Variants in L3MBTL4 observed in about 807,000 individuals in gnomAD.
The protein encoded by L3MBTL4 is L3MBTL histone methyl-lysine binding protein 4.
In L3MBTL4, 70 loss-of-function variants were observed where a neutral mutation model predicts 84.5. The ratio of observed to expected loss-of-function variants is 0.83; its 90% confidence interval spans 0.68 to 1.01. The LOEUF (loss-of-function observed/expected upper bound fraction) is 1.01, where lower values mean the gene tolerates loss of function less well. Among genes scored for constraint, L3MBTL4 ranks in the 50% least tolerant of loss-of-function variants. The probability of loss-of-function intolerance (pLI) is 0.00; values close to 1 mark genes in which losing one functional copy is unlikely to be tolerated. For missense variants in L3MBTL4, 715 were observed against 754.8 expected, an observed-to-expected ratio of 0.95 and a Z score of 0.62; for synonymous variants, 274 against 259.8, an observed-to-expected ratio of 1.05 and a Z score of -0.52.
At chr18:6,408,506 T>C (rs978028838) in intron 1 of L3MBTL4, among the ~76,000 whole-genome samples, 3 of 152,154 alleles carry the variant, frequency 2.0e-5, no homozygotes, top group Non-Finnish European at 4.4e-5. Flanking sequence ...AAACTGCAGA[T>C]TTCCAACTTC....
At chr18:6,049,652 G>A (rs1205614361) in intron 16 of L3MBTL4, among the ~76,000 whole-genome samples, 2 of 152,132 alleles carry the variant, frequency 1.3e-5, no homozygotes, top group East Asian at 3.9e-4. Context: ...GGTTATAAGT[G>A]GGAGTTAAAT....
chr18:6,406,008 C>T (rs1406062084), intron 1 of L3MBTL4, among the ~76,000 whole-genome samples: 1 of 151,034 alleles, frequency 6.6e-6, no homozygotes, highest in African/African-American at 2.4e-5. Context: ...TGTACTCTTA[C>T]TTAGCAGCTG....
rs1040647883 is a variant in L3MBTL4 at position 6,279,015 on chromosome 18, T to C, written c.128-14977A>G. Among the ~76,000 whole-genome samples the C allele has an allele frequency of 8.6e-5, 13 of 151,662 alleles. No homozygotes were observed. The East Asian group carries it at 2.1e-3, about 25-fold the overall frequency. On this transcript the variant is annotated intron_variant, in intron 4 of 18. Coordinates refer to ENST00000317931, the MANE Select transcript of L3MBTL4 (RefSeq NM_001330559.2). ...AGTGACCAGGAACGTAGAGAAAAAA[T>C]TGGGGGCAGGGGCGGTGATTTGATA... is the stretch of plus-strand genomic sequence containing the variant.
At chr18:6,327,405 T>G (rs941767319) in intron 1 of L3MBTL4, among the ~76,000 whole-genome samples, 1 of 152,124 alleles carries the variant, frequency 6.6e-6, no homozygotes, top group East Asian at 1.9e-4. Context: ...TGTGATATAT[T>G]CAAAAATGGA....
Position 6,080,907 on chromosome 18 carries a change from T to C in L3MBTL4, c.1418A>G (p.Asp473Gly). ...AKCLKIKGKEDIDLDNLFREY... is the reference protein window; with the variant it reads ...AKCLKIKGKEGIDLDNLFREY... ...TCTGAAGAGATTATCCAAGTCAATA[T>C]CTTCTTTTCCTTTGATTTTCAAACA... Residue 473 changes from aspartate (D) to glycine (G), a missense_variant, in exon 16 of 19, where the codon GAT (aspartate) becomes GGT (glycine). Asp to Gly is a moderately conservative substitution (Grantham distance 94). Coordinates refer to ENST00000317931, the MANE Select transcript of L3MBTL4 (RefSeq NM_001330559.2). 6.2e-7 allele frequency: 1 copy of C among 1,608,708 alleles called. No homozygotes were observed. The highest frequency in any genetic ancestry group is 8.5e-7 in the Non-Finnish European group (1 of 1,177,680).
chr18:6,078,485 G>A (rs1339762006), intron 16 of L3MBTL4, among the ~76,000 whole-genome samples: 2 of 149,862 alleles, frequency 1.3e-5, no homozygotes, highest in African/African-American at 4.9e-5. Context: ...ATGGGTACTG[G>A]ATATTATGAT....
At chr18:6,029,679 T>G (rs1326349550) in intron 16 of L3MBTL4, 47 of 985,228 alleles carry the variant, frequency 4.8e-5, no homozygotes, top group Non-Finnish European at 1.9e-5. Flanking sequence ...GGGAACAGCT[T>G]ACTATGGTCA....
At chr18:6,083,225 G>C (rs556428281) in intron 15 of L3MBTL4, among the ~76,000 whole-genome samples, 2 of 152,208 alleles carry the variant, frequency 1.3e-5, no homozygotes, top group Non-Finnish European at 2.9e-5. Flanking sequence ...CACAGGCAGA[G>C]ACTTGACTGT....
chr18:6,121,285 A>G (rs1309365254), intron 14 of L3MBTL4, among the ~76,000 whole-genome samples: 1 of 152,234 alleles, frequency 6.6e-6, no homozygotes, highest in African/African-American at 2.4e-5. Context: ...AGCCACTGCT[A>G]TCAAGAAGAA....
At chr18:6,031,713 A>AG (rs2055810477) in intron 16 of L3MBTL4, 1 of 985,450 alleles carries the variant, frequency 1.0e-6, no homozygotes, top group Non-Finnish European at 1.2e-6. Flanking sequence ...GGGGAATGGC[A>AG]GAGGAACAAG....
chr18:6,312,564 G>A (rs995735325), intron 1 of L3MBTL4, among the ~76,000 whole-genome samples: 7 of 151,976 alleles, frequency 4.6e-5, no homozygotes, highest in African/African-American at 1.2e-4. Flanking sequence ...GGCAAGTGGA[G>A]GCTGAAATCC....
chr18:6,018,338 G>T (rs1430689003), intron 16 of L3MBTL4, among the ~76,000 whole-genome samples: 2 of 152,126 alleles, frequency 1.3e-5, no homozygotes, highest in Admixed American at 1.3e-4. Flanking sequence ...GTCTCAGGTG[G>T]GGCTTGAGCA....
chr18:6,200,086 T>A (rs2045587069), intron 12 of L3MBTL4, among the ~76,000 whole-genome samples: 1 of 152,172 alleles, frequency 6.6e-6, no homozygotes, highest in Admixed American at 6.5e-5. Context: ...TTAAGGGATA[T>A]ATTCACAGAG....
At position 6,374,476 on chromosome 18, in the gene L3MBTL4, T is replaced by A. The variant is rs80047166; in HGVS notation, c.-91+40325A>T. On this transcript the variant is annotated intron_variant, in intron 1 of 18. Coordinates refer to ENST00000317931, the MANE Select transcript of L3MBTL4 (RefSeq NM_001330559.2). The stretch of plus-strand genomic sequence containing the variant: ...CTTCATCCGCAAAGTCCACATTTCT[T>A]TTGTGGGATTGTGCCTAACAGGAAG... 8.8e-3 allele frequency: 1,370 copies of A among 154,932 alleles called. 25 individuals are homozygous for A. Among genetic ancestry groups the A allele is most frequent in the African/African-American group, 0.032 (1,328 of 41,646 alleles). 9.6% of individuals were successfully genotyped at this position (154,932 alleles called of 1,614,324 possible).
At chr18:5,969,681 C>G (rs2052540990) in intron 16 of L3MBTL4, 119 bp from the exon 17 acceptor site, 1 of 935,928 alleles carries the variant, frequency 1.1e-6, no homozygotes, top group African/African-American at 1.7e-5. Flanking sequence ...CCACCAGAAC[C>G]CGCGTCTTCT....
At chr18:6,078,213 G>A (rs577262652) in intron 16 of L3MBTL4, among the ~76,000 whole-genome samples, 2 of 151,278 alleles carry the variant, frequency 1.3e-5, no homozygotes, top group African/African-American at 4.8e-5. Context: ...GATCACCTGA[G>A]CTCAAGAGTT....
intron 3 of L3MBTL4, among the ~76,000 whole-genome samples, chr18:6,310,489 T>C (rs1187584896): frequency 6.6e-6 from 1 of 152,196 alleles, no homozygotes; most frequent in Non-Finnish European, 1.5e-5. Flanking sequence ...CTTTGAGATG[T>C]CTCATGTAAT....
intron 15 of L3MBTL4, among the ~76,000 whole-genome samples, chr18:6,090,403 A>G (rs964845742): frequency 2.0e-5 from 3 of 152,110 alleles, no homozygotes; most frequent in African/African-American, 7.2e-5. Flanking sequence ...AAAGATTAAT[A>G]TAAGAGCAAA....
At chr18:6,066,277 T>C (rs1156867205) in intron 16 of L3MBTL4, among the ~76,000 whole-genome samples, 2 of 152,206 alleles carry the variant, frequency 1.3e-5, no homozygotes, top group African/African-American at 4.8e-5. Context: ...TGGTCTATCA[T>C]ATGGTCTATC....
Sources: allele counts gnomAD v4.1 joint callset (sites outside exome capture counted in the v4.1 genomes callset), GRCh38; gene constraint gnomAD v4.1.1; transcripts MANE v1.5; gene names NCBI Gene and HGNC (gene_info 2026-07-23, HGNC 2026-07-21).